Variants in EYA2 observed in about 807,000 individuals in gnomAD.
EYA2 encodes the protein protein phosphatase EYA2.
Under a neutral mutation model 69.2 loss-of-function variants are expected in EYA2, and 31 were observed. The ratio of observed to expected loss-of-function variants is 0.45; its 90% CI spans 0.34 to 0.60. The LOEUF (loss-of-function observed/expected upper bound fraction) is 0.60, where lower values mean the gene tolerates loss of function less well. Ranked by LOEUF, EYA2 falls within the 20% of genes least tolerant of loss-of-function variation. EYA2 has a pLI of 0.02. For synonymous variants in EYA2, 257 were observed against 279.4 expected (o/e 0.92, Z 0.80); for missense variants, 622 against 701.2 (o/e 0.89, Z 1.28).
At chr20:46,905,210 T>A (rs1984296084) in intron 1 of EYA2, among the ~76,000 whole-genome samples, 1 of 151,534 alleles carries the variant, frequency 6.6e-6, no homozygotes, top group Non-Finnish European at 1.5e-5. Context: ...AAAAAATACA[T>A]GATATACATG....
At chr20:47,113,785 A>G (rs758456710) in intron 9 of EYA2, among the ~76,000 whole-genome samples, 3 of 152,060 alleles carry the variant, frequency 2.0e-5, no homozygotes, top group Non-Finnish European at 4.4e-5. Flanking sequence ...CACACAGACC[A>G]TAATGTTTCT....
intron 5 of EYA2, among the ~76,000 whole-genome samples, chr20:47,067,967 G>C (rs1430721522): frequency 4.6e-5 from 7 of 152,148 alleles, no homozygotes; most frequent in Non-Finnish European, 8.8e-5. Flanking sequence ...CGGCCTCCAT[G>C]GTTCCTGATG....
intron 5 of EYA2, among the ~76,000 whole-genome samples, chr20:47,029,311 A>G (rs560629906): frequency 1.2e-4 from 19 of 152,386 alleles, no homozygotes; most frequent in African/African-American, 4.6e-4. Context: ...GGCTCAGCCC[A>G]TAGAAGGAGC....
chr20:46,906,852 A>G (rs962243836), intron 1 of EYA2, among the ~76,000 whole-genome samples: 4 of 152,256 alleles, frequency 2.6e-5, no homozygotes, highest in African/African-American at 9.6e-5. Context: ...ACTTACTTGC[A>G]CAATGAATTA....
intron 9 of EYA2, among the ~76,000 whole-genome samples, chr20:47,125,271 G>A (rs948709728): frequency 1.5e-4 from 23 of 151,980 alleles, no homozygotes; most frequent in Admixed American, 3.9e-4. Context: ...TAGCCAGGAT[G>A]GTCTTGATCT....
intron 8 of EYA2, among the ~76,000 whole-genome samples, chr20:47,090,173 T>C (rs1351348004): frequency 6.6e-6 from 1 of 151,394 alleles, no homozygotes; most frequent in African/African-American, 2.4e-5. Flanking sequence ...TAAAGCTCCG[T>C]GGGTGATTCC....
rs967509191 is a variant in EYA2 at position 47,090,895 on chromosome 20, G to C, written c.804+1514G>C. Among the ~76,000 whole-genome samples the C allele has an allele frequency of 9.2e-5, 14 of 152,210 alleles. No homozygotes were observed. The East Asian group carries it at 2.7e-3, about 29-fold the overall frequency. ...ATGGATGCCCCAAAACCGGAAGTAA[G>C]CTACTGTTGTCTTATCAAGGGAGGA... On this transcript the variant is annotated intron_variant, in intron 8 of 15. Coordinates refer to ENST00000327619, the MANE Select transcript of EYA2 (RefSeq NM_005244.5).
At chr20:46,918,520 T>A (rs1985032621) in intron 1 of EYA2, among the ~76,000 whole-genome samples, 2 of 152,014 alleles carry the variant, frequency 1.3e-5, no homozygotes, top group Admixed American at 1.3e-4. Flanking sequence ...TTACCCAGAG[T>A]GGTCTCGAAC....
intron 1 of EYA2, among the ~76,000 whole-genome samples, chr20:46,975,926 A>G (rs1980431280): frequency 6.6e-6 from 1 of 152,204 alleles, no homozygotes; most frequent in Admixed American, 6.5e-5. Flanking sequence ...TTCATCAAGC[A>G]TAGTTGAGAG....
intron 1 of EYA2, among the ~76,000 whole-genome samples, chr20:46,987,490 C>T (rs1268965850): frequency 3.3e-5 from 5 of 152,184 alleles, no homozygotes; most frequent in Admixed American, 3.3e-4. Flanking sequence ...ATTACATCCC[C>T]TCCTACCCCC....
intron 9 of EYA2, among the ~76,000 whole-genome samples, chr20:47,120,425 AAAAG>A (rs769359522): frequency 2.6e-4 from 40 of 152,314 alleles, no homozygotes; most frequent in Middle Eastern, 3.4e-3. Flanking sequence ...AAATTTTTTA[AAAAG>A]AAAGAAAGAA....
intron 8 of EYA2, among the ~76,000 whole-genome samples, chr20:47,089,742 A>C (rs1321580501): frequency 1.3e-5 from 2 of 151,998 alleles, no homozygotes; most frequent in Non-Finnish European, 2.9e-5. Context: ...TGAGGACCAC[A>C]CTCTGAGAGT....
At chr20:47,023,553 A>G (rs989309687) in intron 5 of EYA2, among the ~76,000 whole-genome samples, 17 of 151,206 alleles carry the variant, frequency 1.1e-4, no homozygotes, top group African/African-American at 2.9e-4. Flanking sequence ...CTTCTGTAGT[A>G]TCTGATCTGC....
rs575588222 is a variant in EYA2, at chr20:46,980,523, CTGTT to C, written c.-10-9475_-10-9472del. Among the ~76,000 whole-genome samples the C allele has an allele frequency of 5.7e-4, 87 of 152,240 alleles. No individual in the cohort carries two copies. The East Asian group carries it at 0.01, about 18-fold the overall frequency. ...GGACATATTTTCAGGGTGCATGTGACTGTTTGATACGTTCATATAATGTATACAG... is the reference window on the plus strand; with the variant it reads ...GGACATATTTTCAGGGTGCATGTGACTGATACGTTCATATAATGTATACAG... On this transcript the variant is annotated intron_variant, in intron 1 of 15. Transcript: ENST00000327619.
At chr20:47,003,971 T>A (rs1053719031) in intron 3 of EYA2, among the ~76,000 whole-genome samples, 1 of 152,238 alleles carries the variant, frequency 6.6e-6, no homozygotes, top group African/African-American at 2.4e-5. Flanking sequence ...ATAATGTACA[T>A]ACCAGGTGCA....
intron 11 of EYA2, 41 bp from the exon 12 acceptor site, chr20:47,172,666 C>CCCCCTGCACTAACACTGTCCCT (rs775758956): frequency 3.3e-5 from 51 of 1,549,944 alleles, no homozygotes; most frequent in Non-Finnish European, 4.2e-5. Context: ...TGCCCTGCAC[C>CCCCCTGCACTAACACTGTCCCT]CCCCTGCACT....
At chr20:46,924,559 A>T (rs113652775) in intron 1 of EYA2, among the ~76,000 whole-genome samples, 1 of 151,408 alleles carries the variant, frequency 6.6e-6, no homozygotes, top group Non-Finnish European at 1.5e-5. Flanking sequence ...AGTCCCAGCT[A>T]CTCAGGAGGC....
chr20:47,000,657 C>T (rs1165164249), intron 2 of EYA2, among the ~76,000 whole-genome samples: 1 of 152,152 alleles, frequency 6.6e-6, no homozygotes, highest in Admixed American at 6.5e-5. Context: ...GCAAACGTCT[C>T]TCCCAGCTTA....
At chr20:46,986,143 G>A (rs1262566363) in intron 1 of EYA2, among the ~76,000 whole-genome samples, 1 of 151,936 alleles carries the variant, frequency 6.6e-6, no homozygotes, top group East Asian at 1.9e-4. Flanking sequence ...GTATTAGAGG[G>A]AGCAAGACAC....
Sources: gnomAD v4.1 joint callset for allele counts (sites outside exome capture counted in the v4.1 genomes callset) on GRCh38, gnomAD v4.1.1 for gene constraint, MANE v1.5 for transcripts, NCBI Gene and HGNC (gene_info 2026-07-23, HGNC 2026-07-21) for gene names.